The following WSCD1 variants were observed in gnomAD, a reference collection of about 807,000 sequenced individuals.
WSCD1 encodes sialate:O-sulfotransferase 1.
In WSCD1, 41 loss-of-function variants were observed where a neutral mutation model predicts 60.4. The ratio of observed to expected loss-of-function variants is 0.68; its 90% CI spans 0.53 to 0.88. The LOEUF is 0.88. WSCD1 is among the 40% of genes least tolerant of loss of function. The pLI is 0.00. For missense variants in WSCD1, 784 were observed against 796.2 expected (o/e 0.98, Z 0.18); for synonymous variants, 361 against 332.5 (o/e 1.09, Z -0.93).
At chr17:6,085,410 A>T (rs1362389618) in intron 2 of WSCD1, among the ~76,000 whole-genome samples, 1 of 151,532 alleles carries the variant, frequency 6.6e-6, no homozygotes, top group African/African-American at 2.5e-5. Flanking sequence ...CTTGTATTAG[A>T]CATTTTACAT....
At chr17:6,098,517 G>T (rs1910594889) in intron 5 of WSCD1, among the ~76,000 whole-genome samples, 1 of 152,136 alleles carries the variant, frequency 6.6e-6, no homozygotes, top group South Asian at 2.1e-4. Flanking sequence ...TATGGCCGGA[G>T]CAGTCGTGAA....
chr17:6,091,484 C>G (rs1276537019), intron 4 of WSCD1, among the ~76,000 whole-genome samples: 1 of 152,082 alleles, frequency 6.6e-6, no homozygotes, highest in Non-Finnish European at 1.5e-5. Context: ...GGGAAGGAGG[C>G]CTTGGGCTTC....
In WSCD1 at chr17:6,118,895, G is replaced by A. The variant is rs1292949226; in HGVS notation, c.1375+707G>A. Among the ~76,000 whole-genome samples the A allele has an allele frequency of 6.6e-6, 1 of 152,202 alleles. No individual in the cohort carries two copies. Among genetic ancestry groups the A allele is most frequent in the Non-Finnish European group, 1.5e-5 (1 of 68,040 alleles). On this transcript the variant is annotated intron_variant, in intron 8 of 8. Transcript: ENST00000317744. The surrounding 1 kb of genome is among the most constrained non-coding windows in gnomAD (Gnocchi z 5.8). ...CCACAAAACTGGGGGATGGGGCAGGGGGTGGTGCTTAAGCAGCAGACATTT... is the reference window on the plus strand; with the variant it reads ...CCACAAAACTGGGGGATGGGGCAGGAGGTGGTGCTTAAGCAGCAGACATTT...
intron 4 of WSCD1, among the ~76,000 whole-genome samples, chr17:6,093,705 G>A (rs545157049): frequency 1.9e-4 from 29 of 152,340 alleles, no homozygotes; most frequent in African/African-American, 7.0e-4. Context: ...GGGAGACATG[G>A]CCCCATCAGG....
rs375987680 is a variant in WSCD1 at position 6,075,919 on chromosome 17, C to T, written c.-288-4452C>T. The stretch of plus-strand genomic sequence containing the variant: ...GCCTCCCAGTCCCAGTGGGCTGGGG[C>T]GGGAACACTCACGGACAAGGCACTG... On this transcript the variant is annotated intron_variant, in intron 1 of 8. Coordinates refer to ENST00000317744, the MANE Select transcript of WSCD1 (RefSeq NM_015253.2). The surrounding 1 kb of genome is among the most constrained non-coding windows in gnomAD (Gnocchi z 4.1). Among the ~76,000 whole-genome samples the T allele has an allele frequency of 9.3e-5, 14 of 150,238 alleles. 1 individual carries two copies. Among genetic ancestry groups the T allele is most frequent in the African/African-American group, 3.3e-4 (13 of 39,602 alleles).
Position 6,121,112 on chromosome 17 carries a change from T to C in WSCD1, c.*451T>C. 5.6e-6 allele frequency: 1 copy of C among 179,012 alleles called. No individual in the cohort carries two copies. Among genetic ancestry groups the C allele is most frequent in the Admixed American group, 5.6e-5 (1 of 17,738 alleles). 11.1% of individuals were successfully genotyped at this position (179,012 alleles called of 1,614,324 possible). On this transcript the variant is annotated 3_prime_UTR_variant, in exon 9 of 9. Transcript: ENST00000317744. Reference sequence around the variant, plus strand: ...GGGCTTCCTGTGTGTAGCCCTGGCATAGACTTGCTCGTCAGGGTGTTCGAC... The same window carrying C: ...GGGCTTCCTGTGTGTAGCCCTGGCACAGACTTGCTCGTCAGGGTGTTCGAC...
chr17:6,090,436 T>G lies in WSCD1; in HGVS notation c.658T>G (p.Ser220Ala). ...CCATGAGTGCAAAGGCGAGAAGGGC[T>G]CTGTGTGCGGGGCTGTGGACCGGCT... is the stretch of plus-strand genomic sequence containing the variant. The part of the protein sequence containing the change: ...CNHECKGEKG[S>A]VCGAVDRLSV... The change falls in exon 4 of 9, where the codon TCT (serine) becomes GCT (alanine). Residue 220 changes from serine (S) to alanine (A), a missense_variant. Ser to Ala is a moderately conservative substitution (Grantham distance 99, BLOSUM62 1). Coordinates refer to ENST00000317744, the MANE Select transcript of WSCD1 (RefSeq NM_015253.2). 1 of 1,613,146 alleles carries G rather than the reference T, an allele frequency of 6.2e-7. No individual in the cohort carries two copies. Among genetic ancestry groups the G allele is most frequent in the Non-Finnish European group, 8.5e-7 (1 of 1,179,632 alleles).
intron 5 of WSCD1, among the ~76,000 whole-genome samples, chr17:6,108,141 G>A (rs1597367926): frequency 6.6e-6 from 1 of 152,094 alleles, no homozygotes; most frequent in Non-Finnish European, 1.5e-5. Context: ...CTGCCCTCCC[G>A]CCAATGCCCC....
intron 5 of WSCD1, among the ~76,000 whole-genome samples, chr17:6,107,375 C>T (rs1422033987): frequency 6.6e-6 from 1 of 151,928 alleles, no homozygotes; most frequent in Non-Finnish European, 1.5e-5. Context: ...GTGGTGGCTA[C>T]CTGTAATCCC....
At chr17:6,079,990 A>G (rs530281557) in intron 1 of WSCD1, among the ~76,000 whole-genome samples, 29 of 152,278 alleles carry the variant, frequency 1.9e-4, no homozygotes, top group African/African-American at 4.8e-4. Context: ...GATTGGTTTC[A>G]GGGTTAAGTG....
intron 7 of WSCD1, among the ~76,000 whole-genome samples, chr17:6,113,885 A>G (rs966973047): frequency 1.3e-5 from 2 of 152,088 alleles, no homozygotes; most frequent in African/African-American, 2.4e-5. Flanking sequence ...CTTATACTCT[A>G]TTGGTGGGAA....
rs1425968992 is a variant in WSCD1 at position 6,123,278 on chromosome 17, A to G, written c.*2617A>G. On this transcript the variant is annotated 3_prime_UTR_variant, in exon 9 of 9. Coordinates refer to ENST00000317744, the MANE Select transcript of WSCD1 (RefSeq NM_015253.2). Reference sequence around the variant, plus strand: ...ATAGCAAGCCTGTGGAGTTACACAAACCTGTGTTAAAACATGTAATTTTTA... The same window carrying G: ...ATAGCAAGCCTGTGGAGTTACACAAGCCTGTGTTAAAACATGTAATTTTTA... The G allele has an allele frequency of 6.6e-6, 1 of 152,144 alleles. No homozygotes were observed. Among genetic ancestry groups the G allele is most frequent in the Non-Finnish European group, 1.5e-5 (1 of 68,032 alleles). The allele number at this position is 152,144 out of a possible 1,614,324, so 9.4% of individuals were successfully genotyped here. A position where few individuals can be genotyped will look rare whatever the true frequency, so the allele number is the denominator to read the frequency against.
At position 6,123,390 on chromosome 17, in the gene WSCD1, G is replaced by A. The variant is rs566624624; in HGVS notation, c.*2729G>A. 1.3e-5 allele frequency: 2 copies of A among 152,340 alleles called. No individual in the cohort carries two copies. The highest frequency in any genetic ancestry group is 6.5e-5 in the Admixed American group (1 of 15,304). 9.4% of individuals were successfully genotyped at this position (152,340 alleles called of 1,614,324 possible). On this transcript the variant is annotated 3_prime_UTR_variant, in exon 9 of 9. Coordinates refer to ENST00000317744, the MANE Select transcript of WSCD1 (RefSeq NM_015253.2). ...TAAAACACATCCTGGTAGTCCCAGT[G>A]ATGTGTAAATGAGAGAGAAGAATAG...
rs367721491 is a variant in WSCD1, at chr17:6,088,120, C to G, written c.542+16C>G. 3.7e-6 allele frequency: 6 copies of G among 1,608,848 alleles called. No individual in the cohort carries two copies. The highest frequency in any genetic ancestry group is 5.1e-6 in the Non-Finnish European group (6 of 1,175,576). The stretch of plus-strand genomic sequence containing the variant: ...GTGCTGAGCGGTGAGTGCTGGGGCC[C>G]TGGACTGTTGATTCTAGAGGCAGGA... On this transcript the variant is annotated intron_variant, in intron 3 of 8. Transcript: ENST00000317744.
intron 8 of WSCD1, among the ~76,000 whole-genome samples, chr17:6,120,050 C>CA (rs2150573661): frequency 6.6e-6 from 1 of 152,314 alleles, no homozygotes; most frequent in Admixed American, 6.5e-5. Context: ...GCTGACTTAG[C>CA]TTTATAGGAG....
intron 5 of WSCD1, among the ~76,000 whole-genome samples, chr17:6,107,803 T>A (rs958781141): frequency 6.6e-6 from 1 of 152,144 alleles, no homozygotes; most frequent in Non-Finnish European, 1.5e-5. Flanking sequence ...CTTTCATGAA[T>A]TCACATGACC....
At chr17:6,113,214 T>C (rs569398424) in intron 7 of WSCD1, among the ~76,000 whole-genome samples, 16 of 152,332 alleles carry the variant, frequency 1.1e-4, no homozygotes, top group African/African-American at 3.6e-4. Context: ...GTCTTTTCAA[T>C]AAATGGTGTT....
intron 1 of WSCD1, among the ~76,000 whole-genome samples, chr17:6,076,598 C>T (rs1038438260): frequency 2.6e-5 from 4 of 152,202 alleles, no homozygotes; most frequent in African/African-American, 7.2e-5. Flanking sequence ...CTCCCTAATT[C>T]GATCCCATAA....
At chr17:6,113,713 C>T (rs1047432365) in intron 7 of WSCD1, among the ~76,000 whole-genome samples, 1 of 152,066 alleles carries the variant, frequency 6.6e-6, no homozygotes, top group South Asian at 2.1e-4. Context: ...AGAAGACATA[C>T]AAATGGTCAA....
Sources: gnomAD v4.1 joint callset for allele counts (sites outside exome capture counted in the v4.1 genomes callset) on GRCh38, gnomAD v4.1.1 for gene constraint, Gnocchi (gnomAD v3.1) non-coding constraint, MANE v1.5 for transcripts, NCBI Gene and HGNC (gene_info 2026-07-23, HGNC 2026-07-21) for gene names.